Variants in TMEM135 observed in about 807,000 individuals in gnomAD.
TMEM135 encodes peroxisomal membrane protein 52.
TMEM135 carries 30 observed loss-of-function variants against 60.3 expected under a neutral mutation model. That is an observed-to-expected ratio of 0.50 (90% CI 0.37 to 0.68). TMEM135 has a LOEUF of 0.68. TMEM135 is among the 30% of genes least tolerant of loss of function. The pLI, the probability that TMEM135 is intolerant of heterozygous loss-of-function variation, is 0.00. For synonymous variants in TMEM135, 190 were observed against 186.7 expected, an observed-to-expected ratio of 1.02 and a Z score of -0.14; for missense variants, 468 against 548.8, an observed-to-expected ratio of 0.85 and a Z score of 1.47.
chr11:87,315,129 T>G (rs1357599943), intron 12 of TMEM135, among the ~76,000 whole-genome samples: 2 of 151,480 alleles, frequency 1.3e-5, no homozygotes, highest in African/African-American at 4.9e-5. Flanking sequence ...CCCCTACTAC[T>G]GCTGCTACTG....
intron 5 of TMEM135, among the ~76,000 whole-genome samples, chr11:87,172,659 T>C (rs1939270934): frequency 6.6e-6 from 1 of 152,090 alleles, no homozygotes; most frequent in South Asian, 2.1e-4. Flanking sequence ...ATATGTCTGA[T>C]GAATAAGTAA....
chr11:87,075,022 C>T (rs918355879), intron 3 of TMEM135, among the ~76,000 whole-genome samples: 1 of 152,142 alleles, frequency 6.6e-6, no homozygotes, highest in Non-Finnish European at 1.5e-5. Context: ...TCACTGCAGC[C>T]TCAATCTCCC....
At chr11:87,223,042 G>A (rs1940678258) in intron 5 of TMEM135, among the ~76,000 whole-genome samples, 1 of 152,070 alleles carries the variant, frequency 6.6e-6, no homozygotes, top group Non-Finnish European at 1.5e-5. Context: ...GTTATGGTCA[G>A]TTGTTTCCTT....
At chr11:87,309,306 C>T (rs1247788547) in intron 9 of TMEM135, among the ~76,000 whole-genome samples, 199 bp from the exon 10 acceptor site, 1 of 152,154 alleles carries the variant, frequency 6.6e-6, no homozygotes, top group Admixed American at 6.6e-5. Context: ...AAAGTAAACT[C>T]ATTCCAAGAT....
rs187567887 is a variant in TMEM135, at chr11:87,245,639, T to G, written c.509+8955T>G. Among the ~76,000 whole-genome samples, 194 of 137,636 alleles carry G rather than the reference T, an allele frequency of 1.4e-3. 7 individuals carry two copies. Among genetic ancestry groups the G allele is most frequent in the African/African-American group, 5.2e-3 (187 of 35,664 alleles). 90.3% of individuals were successfully genotyped at this position (137,636 alleles called of 152,430 possible). A position where few individuals can be genotyped will look rare whatever the true frequency, so the allele number is the denominator to read the frequency against. ...TTTGTCTCTTTTGATTTTTGTTGGT[T>G]TAAAGTCTGTTTTATCAGAGACTAG... is the stretch of plus-strand genomic sequence containing the variant. On this transcript the variant is annotated intron_variant, in intron 6 of 14. Coordinates refer to ENST00000305494, the MANE Select transcript of TMEM135 (RefSeq NM_022918.4).
chr11:87,123,868 C>A (rs1046168684), intron 4 of TMEM135, among the ~76,000 whole-genome samples: 1 of 152,168 alleles, frequency 6.6e-6, no homozygotes, highest in Non-Finnish European at 1.5e-5. Context: ...TCCTATAAAG[C>A]ACATATTATC....
intron 4 of TMEM135, among the ~76,000 whole-genome samples, chr11:87,101,567 A>G (rs1857456436): frequency 6.6e-6 from 1 of 152,206 alleles, no homozygotes; most frequent in Non-Finnish European, 1.5e-5. Context: ...TTTAATTGTA[A>G]ACATACATGT....
chr11:87,189,075 T>A (rs923285874), intron 5 of TMEM135, among the ~76,000 whole-genome samples: 2 of 146,690 alleles, frequency 1.4e-5, no homozygotes, highest in Non-Finnish European at 3.1e-5. Context: ...TTTTCTTTCC[T>A]TTCCTTTCTT....
intron 1 of TMEM135, among the ~76,000 whole-genome samples, chr11:87,047,158 T>A (rs1949803452): frequency 6.6e-6 from 1 of 152,202 alleles, no homozygotes; most frequent in African/African-American, 2.4e-5. Context: ...TCCCCTTTGC[T>A]TTTCCACCTC....
intron 5 of TMEM135, among the ~76,000 whole-genome samples, chr11:87,180,348 C>T (rs1294973824): frequency 1.3e-5 from 2 of 152,086 alleles, no homozygotes; most frequent in African/African-American, 4.8e-5. Context: ...TTAGTTTTTG[C>T]TTTTTTCCCC....
chr11:87,252,180 T>A (rs1422172623), intron 6 of TMEM135, among the ~76,000 whole-genome samples: 1 of 152,044 alleles, frequency 6.6e-6, no homozygotes, highest in Non-Finnish European at 1.5e-5. Flanking sequence ...GACTAGACTC[T>A]GGGAAAGTTT....
chr11:87,074,539 T>C (rs1186244285), intron 3 of TMEM135, among the ~76,000 whole-genome samples: 3 of 152,216 alleles, frequency 2.0e-5, no homozygotes, highest in Non-Finnish European at 4.4e-5. Flanking sequence ...ACTCAAATAA[T>C]TAGATAGCAT....
rs757337873 is a variant in TMEM135 at position 87,183,794 on chromosome 11, A to G, written c.462+26388A>G. 4.3e-4 allele frequency among the ~76,000 whole-genome samples: 65 copies of G among 151,828 alleles called. No homozygotes were observed. In the Middle Eastern group the frequency reaches 0.014, roughly 32 times the overall value. ...AACACGGTAAAACGCCATCTCTACT[A>G]AAAATACAAAAATTAGCTGGGCGTG... On this transcript the variant is annotated intron_variant, in intron 5 of 14. Transcript: ENST00000305494.
intron 4 of TMEM135, among the ~76,000 whole-genome samples, chr11:87,134,669 G>C (rs1215627868): frequency 6.6e-6 from 1 of 152,100 alleles, no homozygotes; most frequent in Non-Finnish European, 1.5e-5. Context: ...TATTTTTGTA[G>C]AGGTGGGGTT....
At position 87,089,260 on chromosome 11, in the gene TMEM135, T is replaced by C. The variant is rs1039431093; in HGVS notation, c.363-2102T>C. Among the ~76,000 whole-genome samples the C allele has an allele frequency of 9.2e-5, 14 of 152,086 alleles. No individual in the cohort carries two copies. In the South Asian group the frequency reaches 1.0e-3, roughly 11 times the overall value. On this transcript the variant is annotated intron_variant, in intron 3 of 14. Transcript: ENST00000305494. ...CCTTGAAATGCATTTGTCAGCGGGG[T>C]ACGGTAGCACATGCCTGTAATCCCA... is the stretch of plus-strand genomic sequence containing the variant.
chr11:87,184,765 T>C (rs1003649062), intron 5 of TMEM135, among the ~76,000 whole-genome samples: 1 of 152,154 alleles, frequency 6.6e-6, no homozygotes, highest in African/African-American at 2.4e-5. Context: ...GGAATGTTGA[T>C]GTTGTTACAT....
intron 5 of TMEM135, among the ~76,000 whole-genome samples, chr11:87,224,406 G>A (rs1940721248): frequency 2.0e-5 from 3 of 152,184 alleles, no homozygotes; most frequent in Admixed American, 2.0e-4. Flanking sequence ...TTTGTCAAAT[G>A]ACAGAAATCT....
intron 4 of TMEM135, among the ~76,000 whole-genome samples, chr11:87,099,500 C>T (rs1396613092): frequency 6.6e-6 from 1 of 151,976 alleles, no homozygotes; most frequent in Non-Finnish European, 1.5e-5. Context: ...ATATTTCCAT[C>T]ATAGCAACAC....
chr11:87,171,179 G>A (rs1939226908), intron 5 of TMEM135, among the ~76,000 whole-genome samples: 1 of 152,126 alleles, frequency 6.6e-6, no homozygotes, highest in Admixed American at 6.6e-5. Context: ...AGGGTGGGTG[G>A]TGTCATGTTG....
Sources: allele counts gnomAD v4.1 joint callset (sites outside exome capture counted in the v4.1 genomes callset), GRCh38; gene constraint gnomAD v4.1.1; transcripts MANE v1.5; gene names NCBI Gene and HGNC (gene_info 2026-07-23, HGNC 2026-07-21).